Variants in UBE2G1 observed in about 807,000 individuals in gnomAD.
UBE2G1 encodes the protein ubiquitin-conjugating enzyme E2 G1.
A neutral mutation model predicts 22.7 loss-of-function variants in UBE2G1; 5 were observed. That is an observed-to-expected ratio of 0.22 (90% CI 0.12 to 0.46). The LOEUF is 0.46. UBE2G1 is among the 20% of genes least tolerant of loss of function. The probability of loss-of-function intolerance (pLI) is 0.99; values close to 1 mark genes in which losing one functional copy is unlikely to be tolerated. For missense variants in UBE2G1, 88 were observed against 203.9 expected (o/e 0.43, Z 3.46); for synonymous variants, 74 against 67.5 (o/e 1.10, Z -0.47).
At chr17:4,349,821 C>G (rs183198175) in intron 1 of UBE2G1, among the ~76,000 whole-genome samples, 2 of 148,030 alleles carry the variant, frequency 1.4e-5, no homozygotes, top group Admixed American at 1.4e-4. Flanking sequence ...CCAGTCTCGG[C>G]GACAGAGCGA....
intron 1 of UBE2G1, among the ~76,000 whole-genome samples, chr17:4,349,060 C>T (rs1181617933): frequency 2.6e-5 from 4 of 151,818 alleles, no homozygotes; most frequent in South Asian, 2.1e-4. Flanking sequence ...AGGTGGCTCA[C>T]GCCTGTAATC....
chr17:4,343,979 G>A (rs935689834), intron 1 of UBE2G1, among the ~76,000 whole-genome samples: 3 of 152,032 alleles, frequency 2.0e-5, no homozygotes, highest in African/African-American at 7.3e-5. Flanking sequence ...AAAGCTCTGG[G>A]GATGTTTCTG....
At chr17:4,280,351 T>A (rs1418769088) in intron 5 of UBE2G1, among the ~76,000 whole-genome samples, 1 of 130,932 alleles carries the variant, frequency 7.6e-6, no homozygotes, top group African/African-American at 2.9e-5. Context: ...TTTTTTTTTT[T>A]TTTTTTTTTT....
intron 1 of UBE2G1, among the ~76,000 whole-genome samples, chr17:4,323,228 A>G (rs1470679723): frequency 6.6e-6 from 1 of 152,212 alleles, no homozygotes; most frequent in Non-Finnish European, 1.5e-5. Flanking sequence ...CATTGCTTTT[A>G]TATTTAAAAA....
intron 2 of UBE2G1, among the ~76,000 whole-genome samples, chr17:4,297,358 C>G (rs1308395835): frequency 6.6e-6 from 1 of 151,678 alleles, no homozygotes; most frequent in Non-Finnish European, 1.5e-5. Flanking sequence ...GGTATAGCAG[C>G]AAAAAAAATC....
intron 1 of UBE2G1, among the ~76,000 whole-genome samples, chr17:4,327,414 C>A (rs557742165): frequency 6.6e-6 from 1 of 151,950 alleles, no homozygotes; most frequent in South Asian, 2.1e-4. Flanking sequence ...AGAGGTTGTA[C>A]TGAGCCAAGA....
intron 1 of UBE2G1, among the ~76,000 whole-genome samples, chr17:4,332,615 C>T (rs769040704): frequency 7.2e-5 from 11 of 152,144 alleles, no homozygotes; most frequent in East Asian, 1.9e-4. Context: ...GCTCTGCCAC[C>T]GCAGGGGCTT....
intron 1 of UBE2G1, among the ~76,000 whole-genome samples, chr17:4,310,827 C>T (rs902535305): frequency 2.0e-5 from 3 of 151,980 alleles, no homozygotes; most frequent in South Asian, 2.1e-4. Flanking sequence ...ATATAGTAGT[C>T]GAAACAATGA....
chr17:4,319,053 A>C (rs1196807856), intron 1 of UBE2G1, among the ~76,000 whole-genome samples: 2 of 152,228 alleles, frequency 1.3e-5, no homozygotes. Flanking sequence ...CATACTTCTA[A>C]TGAAAAGATA....
At chr17:4,292,444 C>T (rs943142708) in intron 3 of UBE2G1, among the ~76,000 whole-genome samples, 2 of 151,906 alleles carry the variant, frequency 1.3e-5, no homozygotes, top group African/African-American at 2.4e-5. Context: ...AACTGATTTA[C>T]CCTCATCTTC....
At chr17:4,287,638 G>C (rs777433355) in intron 4 of UBE2G1, among the ~76,000 whole-genome samples, 1 of 152,026 alleles carries the variant, frequency 6.6e-6, no homozygotes, top group Non-Finnish European at 1.5e-5. Context: ...GTTATCTATA[G>C]TGTCTCAGTC....
intron 1 of UBE2G1, among the ~76,000 whole-genome samples, chr17:4,354,954 G>A (rs1032871513): frequency 2.6e-5 from 4 of 151,876 alleles, no homozygotes; most frequent in Non-Finnish European, 5.9e-5. Context: ...AATTAGCCAG[G>A]TGTGGTGGTG....
rs371974598 is a variant in UBE2G1, at chr17:4,292,037, C to T, written c.248-2629G>A. On this transcript the variant is annotated intron_variant, in intron 3 of 5. Coordinates refer to ENST00000396981, the MANE Select transcript of UBE2G1 (RefSeq NM_003342.5). ...AGAGATGAAACTAAGCTACCTGGGC[C>T]GGGCACAGTGGCTCGGCCCACTGTA... is the stretch of plus-strand genomic sequence containing the variant. Among the ~76,000 whole-genome samples, 163 of 152,160 alleles carry T rather than the reference C, an allele frequency of 1.1e-3. 1 individual carries two copies. The highest frequency in any genetic ancestry group is 7.5e-3 in the South Asian group (36 of 4,830).
chr17:4,304,465 A>C (rs954091262), intron 2 of UBE2G1, among the ~76,000 whole-genome samples: 10 of 152,218 alleles, frequency 6.6e-5, no homozygotes, highest in African/African-American at 1.9e-4. Flanking sequence ...TGCACTGGAA[A>C]GACTCATTAA....
At chr17:4,301,798 C>G (rs1969183310) in intron 2 of UBE2G1, 1 of 570,344 alleles carries the variant, frequency 1.8e-6, no homozygotes, top group Non-Finnish European at 3.4e-6. Flanking sequence ...AAGAATTAAA[C>G]CTGGTGTCTG....
intron 3 of UBE2G1, among the ~76,000 whole-genome samples, chr17:4,295,595 CA>C (rs1387367876): frequency 6.6e-6 from 1 of 152,062 alleles, no homozygotes; most frequent in Non-Finnish European, 1.5e-5. Context: ...AAGCCAAATG[CA>C]AATTAGTATA....
Position 4,366,484 on chromosome 17 carries a change from C to A in UBE2G1, c.-168G>T. The A allele has an allele frequency of 1.8e-6, 1 of 551,140 alleles. No individual in the cohort carries two copies. The highest frequency in any genetic ancestry group is 2.9e-6 in the Non-Finnish European group (1 of 346,258). The allele number at this position is 551,140 out of a possible 1,614,324, so 34.1% of individuals were successfully genotyped here. A position where few individuals can be genotyped will look rare whatever the true frequency, so the allele number is the denominator to read the frequency against. ...CGGGAGCGGCGCCTCGCTGCCGGTG[C>A]GAGTCCGCTCGCTTCAGCTCTTTTC... On this transcript the variant is annotated 5_prime_UTR_variant, in exon 1 of 6. Coordinates refer to ENST00000396981, the MANE Select transcript of UBE2G1 (RefSeq NM_003342.5).
At chr17:4,343,975 C>T (rs1969740670) in intron 1 of UBE2G1, among the ~76,000 whole-genome samples, 1 of 152,076 alleles carries the variant, frequency 6.6e-6, no homozygotes, top group South Asian at 2.1e-4. Flanking sequence ...GACTAAAGCT[C>T]TGGGGATGTT....
chr17:4,344,022 C>T (rs1969741271), intron 1 of UBE2G1, among the ~76,000 whole-genome samples: 1 of 152,092 alleles, frequency 6.6e-6, no homozygotes, highest in Admixed American at 6.5e-5. Flanking sequence ...AGCCAAAAGA[C>T]AAAAACAGGC....
Sources: allele counts gnomAD v4.1 joint callset (sites outside exome capture counted in the v4.1 genomes callset), GRCh38; gene constraint gnomAD v4.1.1; transcripts MANE v1.5; gene names NCBI Gene and HGNC (gene_info 2026-07-23, HGNC 2026-07-21).